Variants in NUMA1 observed in about 807,000 individuals in gnomAD.
The protein encoded by NUMA1 is nuclear mitotic apparatus protein 1.
A neutral mutation model predicts 237.1 loss-of-function variants in NUMA1; 62 were observed. The observed-to-expected ratio is 0.26, with a 90% CI of 0.21 to 0.32. NUMA1 has a LOEUF of 0.32. NUMA1 is among the 10% of genes least tolerant of loss of function. The pLI is 1.00. For synonymous variants in NUMA1, 1,028 were observed against 1,066.1 expected (o/e 0.96, Z 0.70); for missense variants, 2,533 against 2,666.5 (o/e 0.95, Z 1.10).
chr11:72,014,914 G>A lies in NUMA1; in HGVS notation c.2589C>T (p.Ser863=), dbSNP rs759376646. 5.0e-6 allele frequency: 8 copies of A among 1,614,038 alleles called. No homozygotes were observed. The highest frequency in any genetic ancestry group is 1.1e-5 in the South Asian group (1 of 91,084). Reference sequence around the variant, plus strand: ...TCTGCTGCCGGCTTATCTGGAGCTCGCTGTGGGATTCTATGCCTGCCACCT... The same window carrying A: ...TCTGCTGCCGGCTTATCTGGAGCTCACTGTGGGATTCTATGCCTGCCACCT... ...KEKVAGIESH[S]ELQISRQQNE... The change falls in exon 15 of 27, where the codon AGC becomes AGT. Residue 863 remains serine (S), a synonymous_variant. Coordinates refer to ENST00000393695, the MANE Select transcript of NUMA1 (RefSeq NM_006185.4). The surrounding 1 kb of genome is among the most constrained non-coding windows in gnomAD (Gnocchi z 4.6).
intron 17 of NUMA1, among the ~76,000 whole-genome samples, chr11:72,009,772 G>A (rs1228048504): frequency 2.0e-5 from 3 of 152,144 alleles, no homozygotes; most frequent in Admixed American, 6.5e-5. Context: ...TAGGACAGGG[G>A]AACTTGTTTC....
At chr11:72,054,284 G>A (rs1282740874) in intron 2 of NUMA1, among the ~76,000 whole-genome samples, 2 of 151,868 alleles carry the variant, frequency 1.3e-5, no homozygotes, top group African/African-American at 4.8e-5. Flanking sequence ...TGGCCAACAT[G>A]GTGAAACCCT....
intron 2 of NUMA1, among the ~76,000 whole-genome samples, chr11:72,057,962 T>C (rs1317207039): frequency 1.3e-5 from 2 of 150,190 alleles, no homozygotes; most frequent in Non-Finnish European, 3.0e-5. Context: ...TCCCAGCTAC[T>C]AGGGAGGCTG....
intron 2 of NUMA1, among the ~76,000 whole-genome samples, chr11:72,051,442 A>T (rs576647687): frequency 1.3e-5 from 2 of 151,574 alleles, no homozygotes; most frequent in Non-Finnish European, 2.9e-5. Context: ...TGATATAAAC[A>T]TCCTACATAC....
chr11:72,078,151 A>C (rs1422210370), intron 1 of NUMA1, among the ~76,000 whole-genome samples: 1 of 152,184 alleles, frequency 6.6e-6, no homozygotes, highest in African/African-American at 2.4e-5. Flanking sequence ...TTGGGATGAC[A>C]GGGCAAGCCA....
chr11:72,032,541 T>C (rs185959966), intron 3 of NUMA1, among the ~76,000 whole-genome samples: 25 of 152,374 alleles, frequency 1.6e-4, no homozygotes, highest in Admixed American at 1.6e-3. Context: ...ATTCATCACA[T>C]ATACCAATTA....
intron 19 of NUMA1, 29 bp from the exon 20 acceptor site, chr11:72,008,874 G>A (rs1401397967): frequency 6.2e-7 from 1 of 1,613,692 alleles, no homozygotes; most frequent in Non-Finnish European, 8.5e-7. Flanking sequence ...GGGGGAGAGT[G>A]AAGAAAAGCC....
intron 1 of NUMA1, among the ~76,000 whole-genome samples, chr11:72,074,140 G>A (rs917489304): frequency 7.3e-5 from 11 of 151,130 alleles, no homozygotes; most frequent in Admixed American, 7.3e-4. Flanking sequence ...GTTGCAGTGA[G>A]CCAAGATCAC....
chr11:72,040,083 A>G lies in NUMA1; in HGVS notation c.-32-4108T>C, dbSNP rs73533798. Among the ~76,000 whole-genome samples the G allele has an allele frequency of 9.5e-3, 1,441 of 152,330 alleles. 13 individuals are homozygous for G. Among genetic ancestry groups the G allele is most frequent in the African/African-American group, 0.033 (1,376 of 41,576 alleles). On this transcript the variant is annotated intron_variant, in intron 2 of 26. Transcript: ENST00000393695. ...CATACAGAGAAAAACAATCTTTCTC[A>G]ATTCCTGGGGAGTCCTGGGTAGACC...
chr11:72,017,496 G>GAA, intron 13 of NUMA1, 191 bp downstream of exon 13: 1 of 532,816 alleles, frequency 1.9e-6, no homozygotes, highest in Non-Finnish European at 3.2e-6. Flanking sequence ...CATTGACTGG[G>GAA]GAAAAAAAAA....
intron 3 of NUMA1, among the ~76,000 whole-genome samples, chr11:72,030,614 G>A (rs1308055470): frequency 6.6e-6 from 1 of 152,194 alleles, no homozygotes; most frequent in Non-Finnish European, 1.5e-5. Context: ...TTCAGAAGTA[G>A]CCTGGGCTGA....
At chr11:72,021,612 G>A (rs1185177236) in intron 7 of NUMA1, among the ~76,000 whole-genome samples, 3 of 152,094 alleles carry the variant, frequency 2.0e-5, no homozygotes, top group Non-Finnish European at 4.4e-5. Context: ...TGCTTTTATT[G>A]TTATTGTTGT....
Position 72,003,168 on chromosome 11 carries a change from T to C in NUMA1, c.*359A>G, listed in dbSNP as rs1406521784. The C allele has an allele frequency of 3.0e-6, 1 of 330,268 alleles. No homozygotes were observed. The highest frequency in any genetic ancestry group is 5.7e-6 in the Non-Finnish European group (1 of 175,982). The allele number at this position is 330,268 out of a possible 1,614,324, so 20.5% of individuals were successfully genotyped here. A position where few individuals can be genotyped will look rare whatever the true frequency, so the allele number is the denominator to read the frequency against. On this transcript the variant is annotated 3_prime_UTR_variant, in exon 27 of 27. Coordinates refer to ENST00000393695, the MANE Select transcript of NUMA1 (RefSeq NM_006185.4). ...AGCAGGAACCAGGGCCTACTCCTCT[T>C]ATGGTCCCTTCTAGATCCAGAGGCT...
chr11:72,015,785 T>C lies in NUMA1; in HGVS notation c.1718A>G (p.Lys573Arg), dbSNP rs773913263. 1.9e-6 allele frequency: 3 copies of C among 1,614,114 alleles called. No homozygotes were observed. The highest frequency in any genetic ancestry group is 2.5e-6 in the Non-Finnish European group (3 of 1,180,046). Residue 573 changes from lysine to arginine, a missense_variant, in exon 15 of 27, where the codon AAG (lysine) becomes AGG (arginine). This residue lies in a region of NUMA1 where 1,414 missense variants were observed against 1,508.1 expected (regional missense o/e 0.94). Coordinates refer to ENST00000393695, the MANE Select transcript of NUMA1 (RefSeq NM_006185.4). The surrounding 1 kb of genome is among the most constrained non-coding windows in gnomAD (Gnocchi z 4.0). The part of the protein sequence containing the change: ...KEQQLKEVAE[K>R]QEATRQDHAQ... ...ATGGTCCTGCCTAGTTGCCTCCTGCTTCTCCGCTACCTCCTTCAACTGCTG... is the reference window on the plus strand; with the variant it reads ...ATGGTCCTGCCTAGTTGCCTCCTGCCTCTCCGCTACCTCCTTCAACTGCTG...
chr11:72,007,263 A>G lies in NUMA1; in HGVS notation c.5389T>C (p.Phe1797Leu). ...ESSLDSLGDV[F>L]LDSGRKTRSA... ...CGGGTCTTACGACCCGAGTCCAGGA[A>G]GACGTCTCCCAGGGAGTCCAGGCTG... Residue 1797 changes from phenylalanine (F) to leucine (L), a missense_variant, in exon 21 of 27, where the codon TTC becomes CTC. By Grantham distance (22) the Phe-to-Leu change is conservative (BLOSUM62 0). This residue lies in a region of NUMA1 where 795 missense variants were observed against 750.8 expected (regional missense o/e 1.06). Coordinates refer to ENST00000393695, the MANE Select transcript of NUMA1 (RefSeq NM_006185.4). The G allele has an allele frequency of 1.9e-6, 3 of 1,613,254 alleles. No homozygotes were observed. The highest frequency in any genetic ancestry group is 2.5e-6 in the Non-Finnish European group (3 of 1,179,668).
intron 15 of NUMA1, 88 bp from the exon 16 acceptor site, chr11:72,012,530 C>T: frequency 4.0e-6 from 5 of 1,256,292 alleles, no homozygotes; most frequent in Non-Finnish European, 5.7e-6. Flanking sequence ...CACTGAGGCT[C>T]TGATACTTTC....
At chr11:72,079,522 AG>A (rs1372280515) in intron 1 of NUMA1, among the ~76,000 whole-genome samples, 1 of 151,320 alleles carries the variant, frequency 6.6e-6, no homozygotes, top group East Asian at 2.0e-4. Context: ...CCTGGGCGAT[AG>A]GGCGAGACTC....
Position 72,014,711 on chromosome 11 carries a change from T to C in NUMA1, c.2792A>G (p.Glu931Gly). ...CTTGACTAACTCCCGGGAGGCTGTT[T>C]CCTGCTGCTCACCTGCCTTGCGCAC... ...TLVRKAGEQQ[E>G]TASRELVKEP... The change falls in exon 15 of 27, where the codon GAA becomes GGA. Residue 931 changes from glutamate (E) to glycine (G), a missense_variant. Glu to Gly is a moderately conservative substitution (Grantham distance 98). Coordinates refer to ENST00000393695, the MANE Select transcript of NUMA1 (RefSeq NM_006185.4). The surrounding 1 kb of genome is among the most constrained non-coding windows in gnomAD (Gnocchi z 4.6). 1.2e-6 allele frequency: 2 copies of C among 1,613,958 alleles called. No individual in the cohort carries two copies. Among genetic ancestry groups the C allele is most frequent in the Non-Finnish European group, 1.7e-6 (2 of 1,180,026 alleles).
At position 72,016,192 on chromosome 11, in the gene NUMA1, C is replaced by G. The variant is rs767589499; in HGVS notation, c.1311G>C (p.Glu437Asp). The change falls in exon 15 of 27, where the codon GAG (glutamate) becomes GAC (aspartate). Residue 437 changes from glutamate to aspartate, a missense_variant. By Grantham distance (45) the Glu-to-Asp change is conservative (BLOSUM62 2). This residue lies in a region of NUMA1 where 1,414 missense variants were observed against 1,508.1 expected (regional missense o/e 0.94). Transcript: ENST00000393695. ...ANNTQLQARV[E>D]MLETERGQQE... ...GCTGGCCTCGCTCAGTCTCCAGCAT[C>G]TCTACCCTGGCTTGGAGCTGTGTGT... is the stretch of plus-strand genomic sequence containing the variant. 2.8e-5 allele frequency: 45 copies of G among 1,612,536 alleles called. No individual in the cohort carries two copies. The South Asian group carries it at 4.9e-4, about 18-fold the overall frequency.
Sources: gnomAD v4.1 joint callset for allele counts (sites outside exome capture counted in the v4.1 genomes callset) on GRCh38, gnomAD v4.1.1 for gene constraint, gnomAD v4.1.1 regional missense constraint, Gnocchi (gnomAD v3.1) non-coding constraint, MANE v1.5 for transcripts, NCBI Gene and HGNC (gene_info 2026-07-23, HGNC 2026-07-21) for gene names.